KREMEN1: variants seen among roughly 807,000 people sequenced by gnomAD.
The protein encoded by KREMEN1 is kringle containing transmembrane protein 1, also known as kremen protein 1.
Under a neutral mutation model 46.5 loss-of-function variants are expected in KREMEN1, and 30 were observed. The ratio of observed to expected loss-of-function variants is 0.65; its 90% CI spans 0.48 to 0.88. The LOEUF is 0.88. Ranked by LOEUF, KREMEN1 falls within the 40% of genes least tolerant of loss-of-function variation. The pLI is 0.00. For synonymous variants in KREMEN1, 214 were observed against 230.6 expected (o/e 0.93, Z 0.65); for missense variants, 533 against 596.9 (o/e 0.89, Z 1.11).
chr22:29,117,378 T>C lies in KREMEN1; in HGVS notation c.353-3979T>C, dbSNP rs150935277. ...GTCAGGAGATCGAGACCATCCTGGC[T>C]AACATGGTGAAACCCTGTCTGTACT... On this transcript the variant is annotated intron_variant, in intron 3 of 8. Transcript: ENST00000400335. Among the ~76,000 whole-genome samples, 1,335 of 152,206 alleles carry C rather than the reference T, an allele frequency of 8.8e-3. 13 individuals are homozygous for C. The highest frequency in any genetic ancestry group is 0.031 in the African/African-American group (1,271 of 41,518).
Position 29,145,706 on chromosome 22 carries a change from C to G in KREMEN1, c.*3594C>G. ...GAGTGAACCCGAGTGACTTCACCCG[C>G]CCTGTCCCCCACGTCAGGACAGGCT... On this transcript the variant is annotated 3_prime_UTR_variant, in exon 9 of 9. Coordinates refer to ENST00000400335, the MANE Select transcript of KREMEN1 (RefSeq NM_001039570.3). 2.0e-6 allele frequency: 2 copies of G among 985,556 alleles called. No homozygotes were observed. Among genetic ancestry groups the G allele is most frequent in the Non-Finnish European group, 2.4e-6 (2 of 830,006 alleles). 61.1% of individuals were successfully genotyped at this position (985,556 alleles called of 1,614,324 possible). A position where few individuals can be genotyped will look rare whatever the true frequency, so the allele number is the denominator to read the frequency against.
chr22:29,119,187 A>G (rs916489938), intron 3 of KREMEN1, among the ~76,000 whole-genome samples: 1 of 152,152 alleles, frequency 6.6e-6, no homozygotes, highest in Non-Finnish European at 1.5e-5. Context: ...ATCTCAATTC[A>G]ATAGTTAAAA....
intron 1 of KREMEN1, among the ~76,000 whole-genome samples, chr22:29,088,622 A>G (rs134645): frequency 0.64 from 96,844 of 152,046 alleles, 31,041 homozygotes; most frequent in Middle Eastern, 0.77. Context: ...GGGCCACCGC[A>G]CCTGGCCTCA....
At chr22:29,137,734 C>T in intron 6 of KREMEN1, 60 bp downstream of exon 6, 1 of 1,368,884 alleles carries the variant, frequency 7.3e-7, no homozygotes. Context: ...GGCTTCTCTT[C>T]TTCACCCTTG....
chr22:29,128,823 C>G (rs931016111), intron 5 of KREMEN1, among the ~76,000 whole-genome samples: 1 of 152,206 alleles, frequency 6.6e-6, no homozygotes, highest in African/African-American at 2.4e-5. Flanking sequence ...AGCCAGGATT[C>G]AAACCCTGGT....
intron 3 of KREMEN1, among the ~76,000 whole-genome samples, chr22:29,102,770 G>A (rs946895036): frequency 6.6e-5 from 10 of 152,110 alleles, no homozygotes; most frequent in Admixed American, 6.6e-4. Context: ...GTTTTTCTGT[G>A]GCCCCTTGAT....
At chr22:29,100,892 A>T (rs981775701) in intron 3 of KREMEN1, among the ~76,000 whole-genome samples, 4 of 152,312 alleles carry the variant, frequency 2.6e-5, no homozygotes, top group Non-Finnish European at 4.4e-5. Flanking sequence ...TAGTTTTTTT[A>T]AAAAAGTTTA....
At chr22:29,116,233 A>C (rs2038237454) in intron 3 of KREMEN1, among the ~76,000 whole-genome samples, 1 of 152,218 alleles carries the variant, frequency 6.6e-6, no homozygotes, top group Admixed American at 6.5e-5. Flanking sequence ...AAGCCTAGAA[A>C]TGGAGATAGA....
intron 2 of KREMEN1, 81 bp from the exon 3 acceptor site, chr22:29,098,781 C>T: frequency 9.6e-7 from 1 of 1,043,894 alleles, no homozygotes; most frequent in Non-Finnish European, 1.5e-6. Context: ...TAAAGCATTT[C>T]CTTTTCTGTA....
At chr22:29,146,895 G>T (rs2038874251), downstream of KREMEN1, 1 of 656,738 alleles carries the variant, frequency 1.5e-6, no homozygotes, top group African/African-American at 2.0e-5. Flanking sequence ...GTCTGTGGTG[G>T]GATTCCTGCC....
chr22:29,146,899 T>C (rs1338743089), downstream of KREMEN1: 2 of 610,912 alleles, frequency 3.3e-6, no homozygotes, highest in Non-Finnish European at 2.0e-6. Context: ...GTGGTGGGAT[T>C]CCTGCCTCCC....
intron 3 of KREMEN1, among the ~76,000 whole-genome samples, chr22:29,110,458 C>T (rs972384156): frequency 1.1e-4 from 16 of 152,114 alleles, no homozygotes; most frequent in African/African-American, 3.4e-4. Context: ...GGAGAAATTA[C>T]TAGAGCCTCT....
intron 9 of KREMEN1, among the ~76,000 whole-genome samples, chr22:29,161,281 G>A (rs1179519701): frequency 1.3e-5 from 2 of 151,832 alleles, no homozygotes; most frequent in African/African-American, 2.4e-5. Context: ...GCCAAGGTGG[G>A]CAGATCATGA....
intron 1 of KREMEN1, among the ~76,000 whole-genome samples, chr22:29,079,515 G>A (rs1040302094): frequency 1.3e-5 from 2 of 152,252 alleles, no homozygotes; most frequent in African/African-American, 4.8e-5. Flanking sequence ...CCTGCTTCTA[G>A]TGGGCTGAGG....
chr22:29,119,728 A>AG (rs1288870034), intron 3 of KREMEN1, among the ~76,000 whole-genome samples: 3 of 152,358 alleles, frequency 2.0e-5, no homozygotes, highest in African/African-American at 7.2e-5. Context: ...TCTCAGCTAC[A>AG]GCTTTTTCTA....
chr22:29,155,959 CAA>C (rs11320591), intron 9 of KREMEN1, among the ~76,000 whole-genome samples: 78,072 of 147,966 alleles, frequency 0.53, 24,379 homozygotes, highest in Non-Finnish European at 0.69. Flanking sequence ...AACTCCATCT[CAA>C]AAAAAAAAAA....
chr22:29,137,336 C>T lies in KREMEN1; in HGVS notation c.632-6C>T. 5 of 1,470,874 alleles carry T rather than the reference C, an allele frequency of 3.4e-6. No individual in the cohort carries two copies. The highest frequency in any genetic ancestry group is 2.4e-5 in the East Asian group (1 of 42,440). 91.1% of individuals were successfully genotyped at this position (1,470,874 alleles called of 1,614,324 possible). ...TGAGGGCGTGGTGTCTTTTTCTCTC[C>T]TACAGCTCTCGTGGGCGCCTGCGGT... On this transcript the variant is annotated splice_polypyrimidine_tract_variant and splice_region_variant and intron_variant, in intron 5 of 8. Transcript: ENST00000400335.
downstream of KREMEN1, among the ~76,000 whole-genome samples, chr22:29,151,037 G>A (rs116823617): frequency 9.0e-3 from 1,373 of 152,226 alleles, 14 homozygotes; most frequent in African/African-American, 0.031. Flanking sequence ...TATGGCCTCC[G>A]GAAAGCCCAG....
chr22:29,149,392 AC>A (rs1446247923), downstream of KREMEN1, among the ~76,000 whole-genome samples: 2 of 151,900 alleles, frequency 1.3e-5, no homozygotes, highest in Non-Finnish European at 2.9e-5. Context: ...CGATCTCTTG[AC>A]CTGATGATCC....
Sources: allele counts gnomAD v4.1 joint callset (sites outside exome capture counted in the v4.1 genomes callset), GRCh38; gene constraint gnomAD v4.1.1; transcripts MANE v1.5; gene names NCBI Gene and HGNC (gene_info 2026-07-23, HGNC 2026-07-21).